Variants in NR2F1 observed in about 807,000 individuals in gnomAD.
NR2F1 encodes the protein nuclear receptor subfamily 2 group F member 1.
In NR2F1, 1 loss-of-function variant was observed where a neutral mutation model predicts 37.7. The observed-to-expected ratio is 0.03, with a 90% CI of 0.01 to 0.13. The LOEUF (loss-of-function observed/expected upper bound fraction) is 0.13, where lower values mean the gene tolerates loss of function less well. NR2F1 is among the 10% of genes least tolerant of loss of function. NR2F1 has a pLI of 1.00. For missense variants in NR2F1, 268 were observed against 578.4 expected, an observed-to-expected ratio of 0.46 and a Z score of 5.50; for synonymous variants, 275 against 259.6, an observed-to-expected ratio of 1.06 and a Z score of -0.57.
At chr5:93,588,815 CTG>C (rs1305095399) in intron 2 of NR2F1, among the ~76,000 whole-genome samples, 1 of 151,004 alleles carries the variant, frequency 6.6e-6, no homozygotes, top group Non-Finnish European at 1.5e-5. Context: ...GTGTGTGTCT[CTG>C]TGTGTGTGTC....
At chr5:93,585,589 TGGTCCC>T (rs1753215531) in intron 1 of NR2F1, 103 bp downstream of exon 1, 1 of 925,074 alleles carries the variant, frequency 1.1e-6, no homozygotes, top group South Asian at 1.6e-5. Flanking sequence ...GGGGCTCCTG[TGGTCCC>T]GGCCCGTCCC....
intron 1 of NR2F1, chr5:93,587,664 G>A (rs1753255645): frequency 1.2e-5 from 6 of 492,820 alleles, no homozygotes; most frequent in Non-Finnish European, 2.1e-5. Flanking sequence ...GGGCCCTGGA[G>A]TCAGGCCTAG....
In NR2F1 at chr5:93,587,978, C is replaced by T. The variant is rs1753261502; in HGVS notation, c.525C>T (p.Asn175=). The change falls in exon 2 of 3, where the codon AAC becomes AAT. Residue 175 remains asparagine (N), a synonymous_variant. Coordinates refer to ENST00000327111, the MANE Select transcript of NR2F1 (RefSeq NM_005654.6). ...ATCCAGGCCAGTACGCACTCACCAA[C>T]GGGGACCCCCTCAACGGCCACTGCT... The part of the protein sequence containing the change: ...QPNPGQYALT[N]GDPLNGHCYL... 1.1e-5 allele frequency: 17 copies of T among 1,612,488 alleles called. No homozygotes were observed. The highest frequency in any genetic ancestry group is 1.4e-5 in the Non-Finnish European group (16 of 1,179,090).
intron 2 of NR2F1, among the ~76,000 whole-genome samples, chr5:93,590,278 A>G (rs191777411): frequency 6.6e-6 from 1 of 152,320 alleles, no homozygotes; most frequent in East Asian, 1.9e-4. Context: ...TTCTCAGGAA[A>G]GGTCTCTCCT....
rs755555657 is a variant in NR2F1, at chr5:93,588,410, C to T, written c.957C>T (p.Tyr319=). Residue 319 remains tyrosine, a synonymous_variant, in exon 2 of 3, where the codon TAC becomes TAT. Coordinates refer to ENST00000327111, the MANE Select transcript of NR2F1 (RefSeq NM_005654.6). ...CGCTACACGTCGACTCAGCCGAGTA[C>T]AGCTGCCTCAAAGCCATCGTGCTGT... ...LKALHVDSAE[Y]SCLKAIVLFT... 3 of 1,611,212 alleles carry T rather than the reference C, an allele frequency of 1.9e-6. No homozygotes were observed. The highest frequency in any genetic ancestry group is 2.5e-6 in the Non-Finnish European group (3 of 1,178,802).
At chr5:93,586,117 C>T (rs2149942071) in intron 1 of NR2F1, among the ~76,000 whole-genome samples, 1 of 151,758 alleles carries the variant, frequency 6.6e-6, no homozygotes, top group Non-Finnish European at 1.5e-5. Flanking sequence ...GGTTCCCTCT[C>T]TTCTTCACGG....
Position 93,594,549 on chromosome 5 carries a change from G to T in NR2F1, c.*707G>T, listed in dbSNP as rs1340820126. The stretch of plus-strand genomic sequence containing the variant: ...AATGAGTGCGATATATGTTGTCGAG[G>T]CTGTTCTTCAAGAATTAAAATTGAA... On this transcript the variant is annotated 3_prime_UTR_variant, in exon 3 of 3. Transcript: ENST00000327111. 1 of 152,026 alleles carries T rather than the reference G, an allele frequency of 6.6e-6. No individual in the cohort carries two copies. The highest frequency in any genetic ancestry group is 1.9e-4 in the East Asian group (1 of 5,196). The allele number at this position is 152,026 out of a possible 1,614,324, so 9.4% of individuals were successfully genotyped here.
At position 93,584,160 on chromosome 5, in the gene NR2F1, A is replaced by AGCG. The variant is rs1053014229; in HGVS notation, c.-857_-855dup. ...GCCCGGCGAGGGCTCCCGCCGGGAC[A>AGCG]GCGGCGGCGCCGCGGGCGGCCCCGG... On this transcript the variant is annotated 5_prime_UTR_variant, in exon 1 of 3. Coordinates refer to ENST00000327111, the MANE Select transcript of NR2F1 (RefSeq NM_005654.6). 1.3e-5 allele frequency: 2 copies of AGCG among 149,074 alleles called. No individual in the cohort carries two copies. Among genetic ancestry groups the AGCG allele is most frequent in the African/African-American group, 4.9e-5 (2 of 41,056 alleles). The allele number at this position is 149,074 out of a possible 1,614,324, so 9.2% of individuals were successfully genotyped here.
intron 1 of NR2F1, among the ~76,000 whole-genome samples, chr5:93,585,868 AG>A (rs1753223603): frequency 6.6e-6 from 1 of 150,986 alleles, no homozygotes; most frequent in African/African-American, 2.4e-5. Flanking sequence ...GAACTTGGGG[AG>A]GGGTGCTTAT....
In NR2F1 at chr5:93,593,462, C is replaced by T; in HGVS notation, c.992-100C>T. 8.1e-7 allele frequency: 1 copy of T among 1,240,566 alleles called. No individual in the cohort carries two copies. The highest frequency in any genetic ancestry group is 1.4e-5 in the South Asian group (1 of 69,490). 76.8% of individuals were successfully genotyped at this position (1,240,566 alleles called of 1,614,324 possible). On this transcript the variant is annotated intron_variant, in intron 2 of 2. Coordinates refer to ENST00000327111, the MANE Select transcript of NR2F1 (RefSeq NM_005654.6). The surrounding 1 kb of genome is among the most constrained non-coding windows in gnomAD (Gnocchi z 5.6). ...TTACTTCTTTTTTATTTTCCATTTT[C>T]TCCTTAAAAAAAATTGATGGCTTAT...
Position 93,593,635 on chromosome 5 carries a change from C to T in NR2F1, c.1065C>T (p.Tyr355=), listed in dbSNP as rs763566932. 1.4e-5 allele frequency: 22 copies of T among 1,613,918 alleles called. No homozygotes were observed. Among genetic ancestry groups the T allele is most frequent in the Admixed American group, 5.0e-5 (3 of 59,992 alleles). Residue 355 remains tyrosine (Y), a synonymous_variant, in exon 3 of 3, where the codon TAC becomes TAT. Coordinates refer to ENST00000327111, the MANE Select transcript of NR2F1 (RefSeq NM_005654.6). The surrounding 1 kb of genome is among the most constrained non-coding windows in gnomAD (Gnocchi z 5.6). ...QEKSQCALEE[Y]VRSQYPNQPS... is the part of the protein sequence containing the mutation. ...AGTCGCAGTGCGCACTGGAGGAGTA[C>T]GTGAGGAGCCAGTACCCCAACCAGC... is the stretch of plus-strand genomic sequence containing the variant.
At chr5:93,592,682 AC>A (rs1046492369) in intron 2 of NR2F1, among the ~76,000 whole-genome samples, 86 of 19,568 alleles carry the variant, frequency 4.4e-3, no homozygotes, top group African/African-American at 0.016. Context: ...ATCCCCCCCT[AC>A]CCCCCCAGTT....
rs1477828999 is a variant in NR2F1 at position 93,584,165 on chromosome 5, C to CGGCGCCGCGGGCGGCCCCGGCCTCCGCT, written c.-858_-831dup. 7.4e-5 allele frequency: 11 copies of CGGCGCCGCGGGCGGCCCCGGCCTCCGCT among 149,190 alleles called. No individual in the cohort carries two copies. The highest frequency in any genetic ancestry group is 1.5e-5 in the Non-Finnish European group (1 of 66,922). The allele number at this position is 149,190 out of a possible 1,614,324, so 9.2% of individuals were successfully genotyped here. The stretch of plus-strand genomic sequence containing the variant: ...GCGAGGGCTCCCGCCGGGACAGCGG[C>CGGCGCCGCGGGCGGCCCCGGCCTCCGCT]GGCGCCGCGGGCGGCCCCGGCCTCC... On this transcript the variant is annotated 5_prime_UTR_variant, in exon 1 of 3. Coordinates refer to ENST00000327111, the MANE Select transcript of NR2F1 (RefSeq NM_005654.6).
rs1349953924 is a variant in NR2F1 at position 93,585,293 on chromosome 5, G to C, written c.270G>C (p.Gly90=). The C allele has an allele frequency of 6.2e-7, 1 of 1,607,468 alleles. No individual in the cohort carries two copies. The highest frequency in any genetic ancestry group is 8.5e-7 in the Non-Finnish European group (1 of 1,176,924). ...AGCACATCGAGTGCGTGGTGTGCGG[G>C]GACAAGTCGAGCGGCAAGCACTACG... The part of the protein sequence containing the change: ...SQQHIECVVC[G]DKSSGKHYGQ... The change falls in exon 1 of 3, where the codon GGG becomes GGC. Residue 90 remains glycine, a synonymous_variant. Coordinates refer to ENST00000327111, the MANE Select transcript of NR2F1 (RefSeq NM_005654.6).
chr5:93,589,281 C>A (rs1202506729), intron 2 of NR2F1, among the ~76,000 whole-genome samples: 1 of 152,204 alleles, frequency 6.6e-6, no homozygotes, highest in Non-Finnish European at 1.5e-5. Context: ...TTAACAATTT[C>A]TCTTATGATA....
chr5:93,584,308 ACCT>A lies in NR2F1; in HGVS notation c.-704_-702del, dbSNP rs1208545571. The A allele has an allele frequency of 2.0e-5, 3 of 147,966 alleles. No individual in the cohort carries two copies. The highest frequency in any genetic ancestry group is 3.0e-5 in the Non-Finnish European group (2 of 66,690). 9.2% of individuals were successfully genotyped at this position (147,966 alleles called of 1,614,324 possible). A position where few individuals can be genotyped will look rare whatever the true frequency, so the allele number is the denominator to read the frequency against. On this transcript the variant is annotated 5_prime_UTR_variant, in exon 1 of 3. Transcript: ENST00000327111. ...AGCTCCAGCGGCGCCTGCAGCCGCG[ACCT>A]CCTCCTCCTCCGCCGCCGCCGCCGC...
In NR2F1 at chr5:93,593,954, G is replaced by C. The variant is rs537962459; in HGVS notation, c.*112G>C. On this transcript the variant is annotated 3_prime_UTR_variant, in exon 3 of 3. Coordinates refer to ENST00000327111, the MANE Select transcript of NR2F1 (RefSeq NM_005654.6). This position sits in a 1 kb window ranked among gnomAD's most constrained non-coding sequence, Gnocchi z 5.6. ...GGAAGTGCAGCGGGCCAGGCAGGCT[G>C]GGTGGGAGGGAGGAGGGCCGAGACA... 155 of 1,062,596 alleles carry C rather than the reference G, an allele frequency of 1.5e-4. No homozygotes were observed. Among genetic ancestry groups the C allele is most frequent in the Middle Eastern group, 1.4e-3 (6 of 4,308 alleles). 65.8% of individuals were successfully genotyped at this position (1,062,596 alleles called of 1,614,324 possible). A position where few individuals can be genotyped will look rare whatever the true frequency, so the allele number is the denominator to read the frequency against.
rs1259931030 is a variant in NR2F1 at position 93,593,426 on chromosome 5, T to C, written c.992-136T>C. 1.1e-6 allele frequency: 1 copy of C among 897,620 alleles called. No homozygotes were observed. Among genetic ancestry groups the C allele is most frequent in the Non-Finnish European group, 1.7e-6 (1 of 584,038 alleles). 55.6% of individuals were successfully genotyped at this position (897,620 alleles called of 1,614,324 possible). ...GGAGAGGTATAGGAGGGTGAATTTT[T>C]CTTTTCTCTTTTACTTCTTTTTTAT... On this transcript the variant is annotated intron_variant, in intron 2 of 2. Transcript: ENST00000327111. This position sits in a 1 kb window ranked among gnomAD's most constrained non-coding sequence, Gnocchi z 5.6.
At position 93,585,099 on chromosome 5, in the gene NR2F1, G is replaced by A; in HGVS notation, c.76G>A (p.Ala26Thr). 1.0e-6 allele frequency: 1 copy of A among 1,001,374 alleles called. No homozygotes were observed. Among genetic ancestry groups the A allele is most frequent in the Non-Finnish European group, 1.2e-6 (1 of 842,584 alleles). 62.0% of individuals were successfully genotyped at this position (1,001,374 alleles called of 1,614,324 possible). The change falls in exon 1 of 3, where the codon GCA (alanine) becomes ACA (threonine). Residue 26 changes from alanine to threonine, a missense_variant. Ala to Thr is a moderately conservative substitution (Grantham distance 58). Around this residue, in one of 5 missense-constraint regions of NR2F1, gnomAD observed 90 missense variants for 106.5 expected, o/e 0.85. Coordinates refer to ENST00000327111, the MANE Select transcript of NR2F1 (RefSeq NM_005654.6). Reference protein sequence around the residue: ...AGGNPGGPNPAAQAARGGGGG... With the variant: ...AGGNPGGPNPTAQAARGGGGG... ...GGGCAACCCCGGCGGCCCCAACCCCGCAGCGCAGGCGGCCCGCGGCGGCGG... is the reference window on the plus strand; with the variant it reads ...GGGCAACCCCGGCGGCCCCAACCCCACAGCGCAGGCGGCCCGCGGCGGCGG...
Sources: allele counts gnomAD v4.1 joint callset (sites outside exome capture counted in the v4.1 genomes callset), GRCh38; gene constraint gnomAD v4.1.1; regional missense constraint gnomAD v4.1.1; non-coding constraint Gnocchi (gnomAD v3.1); transcripts MANE v1.5; gene names NCBI Gene and HGNC (gene_info 2026-07-23, HGNC 2026-07-21).